Variants in THOC1 observed in about 807,000 individuals in gnomAD.
THOC1 encodes THO complex subunit 1.
Under a neutral mutation model 97.3 loss-of-function variants are expected in THOC1, and 29 were observed. That is an observed-to-expected ratio of 0.30 (90% CI 0.22 to 0.41). The LOEUF is 0.41. Among genes scored for constraint, THOC1 ranks in the 10% least tolerant of loss-of-function variants. THOC1 has a pLI of 1.00. For synonymous variants in THOC1, 255 were observed against 257.0 expected (o/e 0.99, Z 0.07); for missense variants, 529 against 761.9 (o/e 0.69, Z 3.60).
At chr18:229,904 C>T (rs1022396344) in intron 11 of THOC1, among the ~76,000 whole-genome samples, 3 of 151,492 alleles carry the variant, frequency 2.0e-5, no homozygotes, top group African/African-American at 7.3e-5. Flanking sequence ...TCAGTATTTT[C>T]TTCTCTTCTG....
intron 11 of THOC1, among the ~76,000 whole-genome samples, chr18:232,656 T>C (rs141918329): frequency 1.1e-3 from 169 of 152,180 alleles, no homozygotes; most frequent in Middle Eastern, 6.8e-3. Context: ...TTAACTTCAC[T>C]AGTTTTTACA....
chr18:254,431 A>G lies in THOC1; in HGVS notation c.521-76T>C. ...CTTATGTATAACTTGTGTCATAATC[A>G]AAACTACAAAATGCCAAATCCATAA... On this transcript the variant is annotated intron_variant, in intron 7 of 20. Transcript: ENST00000261600. This position sits in a 1 kb window ranked among gnomAD's most constrained non-coding sequence, Gnocchi z 4.1. The G allele has an allele frequency of 3.4e-6, 3 of 875,478 alleles. No individual in the cohort carries two copies. Among genetic ancestry groups the G allele is most frequent in the Admixed American group, 2.2e-5 (1 of 45,382 alleles). The allele number at this position is 875,478 out of a possible 1,614,324, so 54.2% of individuals were successfully genotyped here.
chr18:239,576 G>A (rs1911826795), intron 11 of THOC1, among the ~76,000 whole-genome samples: 1 of 152,194 alleles, frequency 6.6e-6, no homozygotes, highest in South Asian at 2.1e-4. Flanking sequence ...AGAGTGCTGG[G>A]ACACAGGCGT....
chr18:226,855 A>AC lies in THOC1; in HGVS notation c.964_965insG (p.Leu322ArgfsTer26). On this transcript the variant is annotated frameshift_variant, in exon 12 of 21. Transcript: ENST00000261600. LOFTEE classifies it high-confidence loss of function. Reference sequence around the variant, plus strand: ...TTGGAATAAAATGAGATACTGCAACAGGATGTGTCGACGAAAGTTACTGTC... The same window carrying AC: ...TTGGAATAAAATGAGATACTGCAACACGGATGTGTCGACGAAAGTTACTGTC... The AC allele has an allele frequency of 1.9e-6, 3 of 1,612,322 alleles. No homozygotes were observed. The highest frequency in any genetic ancestry group is 2.5e-6 in the Non-Finnish European group (3 of 1,179,218).
At chr18:217,440 CT>C (rs1160616455) in intron 18 of THOC1, among the ~76,000 whole-genome samples, 2 of 152,206 alleles carry the variant, frequency 1.3e-5, no homozygotes, top group Non-Finnish European at 2.9e-5. Flanking sequence ...ACAAAACCCT[CT>C]TTGGAGATAA....
At chr18:240,337 T>C (rs1911854733) in intron 11 of THOC1, among the ~76,000 whole-genome samples, 2 of 152,206 alleles carry the variant, frequency 1.3e-5, no homozygotes, top group South Asian at 4.1e-4. Context: ...TACTTTCTTA[T>C]CTTGCTTGTA....
intron 19 of THOC1, 174 bp downstream of exon 19, chr18:216,312 C>CA: frequency 1.4e-6 from 1 of 708,732 alleles, no homozygotes. Flanking sequence ...TTTATCAACT[C>CA]ATGTATTTCC....
In THOC1 at chr18:242,162, G is replaced by A. The variant is rs1485536812; in HGVS notation, c.918+4162C>T. ...ACCTACCTGTAGTTGCCACATGACT[G>A]GCCTATCTCCAACTATAAAGTTTAT... On this transcript the variant is annotated intron_variant, in intron 11 of 20. Transcript: ENST00000261600. The surrounding 1 kb of genome is among the most constrained non-coding windows in gnomAD (Gnocchi z 4.5). Among the ~76,000 whole-genome samples, 1 of 152,082 alleles carries A rather than the reference G, an allele frequency of 6.6e-6. No homozygotes were observed. Among genetic ancestry groups the A allele is most frequent in the Non-Finnish European group, 1.5e-5 (1 of 67,998 alleles).
chr18:229,051 T>C (rs1911392484), intron 11 of THOC1, among the ~76,000 whole-genome samples: 1 of 152,184 alleles, frequency 6.6e-6, no homozygotes, highest in African/African-American at 2.4e-5. Context: ...GCCCCCAAAA[T>C]GACAAATCAG....
intron 19 of THOC1, 52 bp from the exon 20 acceptor site, chr18:215,556 G>GTT (rs1482959902): frequency 1.4e-6 from 2 of 1,456,490 alleles, no homozygotes; most frequent in Non-Finnish European, 1.9e-6. Flanking sequence ...CTGAAGTAAG[G>GTT]TAACAGGTAT....
intron 11 of THOC1, among the ~76,000 whole-genome samples, chr18:233,888 C>CA (rs1317600767): frequency 1.3e-5 from 2 of 152,116 alleles, no homozygotes; most frequent in Non-Finnish European, 2.9e-5. Context: ...TATAATAAAA[C>CA]AATTTATATT....
At position 223,513 on chromosome 18, in the gene THOC1, A is replaced by G. The variant is rs1016382431; in HGVS notation, c.1305-8T>C. The G allele has an allele frequency of 6.4e-7, 1 of 1,552,526 alleles. No individual in the cohort carries two copies. Among genetic ancestry groups the G allele is most frequent in the Non-Finnish European group, 8.7e-7 (1 of 1,146,746 alleles). ...AGCCTTGTTAACTCCTCACTACAAAATAGACACAGAAATAAATACATTTTT... is the reference window on the plus strand; with the variant it reads ...AGCCTTGTTAACTCCTCACTACAAAGTAGACACAGAAATAAATACATTTTT... On this transcript the variant is annotated splice_region_variant and splice_polypyrimidine_tract_variant and intron_variant, in intron 16 of 20. Transcript: ENST00000261600.
At chr18:263,822 G>C (rs540893961) in intron 4 of THOC1, 31 of 445,532 alleles carry the variant, frequency 7.0e-5, no homozygotes, top group African/African-American at 5.7e-4. Context: ...AACAAAGGAA[G>C]TGCCAAAATG....
chr18:260,337 T>G (rs750600778), intron 4 of THOC1, 33 bp from the exon 5 acceptor site: 2 of 1,345,900 alleles, frequency 1.5e-6, no homozygotes, highest in South Asian at 3.1e-5. Context: ...TTTAAAAGTT[T>G]AAAAAACTGT....
intron 11 of THOC1, among the ~76,000 whole-genome samples, chr18:237,200 C>A (rs1447809801): frequency 6.8e-6 from 1 of 147,622 alleles, no homozygotes; most frequent in Non-Finnish European, 1.5e-5. Context: ...TGCTCTGTTA[C>A]CCAGGCTGGA....
At chr18:227,326 T>G (rs1002151938) in intron 11 of THOC1, among the ~76,000 whole-genome samples, 2 of 151,834 alleles carry the variant, frequency 1.3e-5, no homozygotes, top group Admixed American at 1.3e-4. Flanking sequence ...AAAAAAAAAT[T>G]TTTTTTTAAA....
At position 216,497 on chromosome 18, in the gene THOC1, TG is replaced by T; in HGVS notation, c.1590del (p.Lys531ArgfsTer10). The T allele has an allele frequency of 6.2e-7, 1 of 1,613,804 alleles. No individual in the cohort carries two copies. Among genetic ancestry groups the T allele is most frequent in the Non-Finnish European group, 8.5e-7 (1 of 1,179,822 alleles). On this transcript the variant is annotated frameshift_variant, in exon 19 of 21. Coordinates refer to ENST00000261600, the MANE Select transcript of THOC1 (RefSeq NM_005131.3). LOFTEE classifies it high-confidence loss of function. ...EYLENMVIKL[A>X]KELPPPSEEI... ...TCTATGGTACTTACCGGTAATTCCT[TG>T]GCTAGCTTTATTACCATATTTTCAA...
intron 8 of THOC1, among the ~76,000 whole-genome samples, chr18:253,604 T>C (rs1203001386): frequency 6.6e-6 from 1 of 152,234 alleles, no homozygotes; most frequent in African/African-American, 2.4e-5. Context: ...TATGAATTTA[T>C]AGAAAAAATA....
chr18:253,412 C>T (rs990666159), intron 8 of THOC1, among the ~76,000 whole-genome samples: 1 of 152,098 alleles, frequency 6.6e-6, no homozygotes, highest in Non-Finnish European at 1.5e-5. Context: ...TGTGATATAT[C>T]CACTCTGAGA....
Sources: allele counts gnomAD v4.1 joint callset (sites outside exome capture counted in the v4.1 genomes callset), GRCh38; gene constraint gnomAD v4.1.1; non-coding constraint Gnocchi (gnomAD v3.1); transcripts MANE v1.5; gene names NCBI Gene and HGNC (gene_info 2026-07-23, HGNC 2026-07-21).